Variants in TYW1B observed in about 807,000 individuals in gnomAD.
TYW1B encodes the protein S-adenosyl-L-methionine-dependent tRNA 4-demethylwyosine synthase TYW1B.
TYW1B carries 73 observed loss-of-function variants against 86.9 expected under a neutral mutation model. The ratio of observed to expected loss-of-function variants is 0.84; its 90% CI spans 0.70 to 1.02. The LOEUF is 1.02. Ranked by LOEUF, TYW1B falls within the 50% of genes least tolerant of loss-of-function variation. TYW1B has a pLI of 0.00. For missense variants in TYW1B, 637 were observed against 827.4 expected (o/e 0.77, Z 2.82); for synonymous variants, 248 against 292.8 (o/e 0.85, Z 1.56).
chr7:72,775,720 G>A (rs1341795824), intron 7 of TYW1B, among the ~76,000 whole-genome samples: 2 of 150,292 alleles, frequency 1.3e-5, no homozygotes, highest in Non-Finnish European at 3.0e-5. Flanking sequence ...CCACAGGTAA[G>A]TTTAAATTAG....
chr7:72,613,765 T>C (rs1811996503), intron 13 of TYW1B, among the ~76,000 whole-genome samples: 1 of 151,958 alleles, frequency 6.6e-6, no homozygotes, highest in Admixed American at 6.6e-5. Context: ...GATCCTGAAC[T>C]GGAGGGGGAA....
chr7:72,794,069 G>T (rs1788265838), intron 6 of TYW1B, among the ~76,000 whole-genome samples: 1 of 152,184 alleles, frequency 6.6e-6, no homozygotes, highest in Non-Finnish European at 1.5e-5. Flanking sequence ...ATTAGCAAGT[G>T]AGCACTGCTG....
At chr7:72,806,061 T>C (rs998312770) in intron 5 of TYW1B, among the ~76,000 whole-genome samples, 14 of 151,938 alleles carry the variant, frequency 9.2e-5, no homozygotes, top group African/African-American at 3.4e-4. Flanking sequence ...GAGTGACTAA[T>C]GGAGTCATTG....
At chr7:72,809,981 A>G (rs569029517) in intron 4 of TYW1B, among the ~76,000 whole-genome samples, 3 of 93,018 alleles carry the variant, frequency 3.2e-5, no homozygotes, top group South Asian at 7.5e-4. Context: ...GCTGGGGGAT[A>G]GAGCAAGACT....
intron 10 of TYW1B, among the ~76,000 whole-genome samples, chr7:72,702,877 T>C (rs1814506866): frequency 1.3e-5 from 2 of 151,900 alleles, no homozygotes; most frequent in Non-Finnish European, 2.9e-5. Flanking sequence ...GTATTCTCAT[T>C]GTTTTCACAG....
intron 10 of TYW1B, among the ~76,000 whole-genome samples, chr7:72,703,026 A>ATTTT (rs1166122885): frequency 8.2e-4 from 29 of 35,180 alleles, no homozygotes; most frequent in South Asian, 3.4e-3. Context: ...ATATATATAT[A>ATTTT]TTTTTTTTTT....
intron 13 of TYW1B, among the ~76,000 whole-genome samples, chr7:72,576,792 G>A (rs1267321060): frequency 2.0e-5 from 3 of 151,666 alleles, no homozygotes; most frequent in African/African-American, 4.8e-5. Context: ...GATTACAGGC[G>A]TGAGCCACCA....
intron 10 of TYW1B, among the ~76,000 whole-genome samples, chr7:72,711,856 T>TC (rs1402806403): frequency 1.3e-3 from 9 of 6,874 alleles, no homozygotes; most frequent in Non-Finnish European, 5.0e-3. Context: ...CAAAAAGATC[T>TC]TTTTTTTTTC....
intron 13 of TYW1B, among the ~76,000 whole-genome samples, chr7:72,600,696 C>G (rs1308327549): frequency 1.3e-5 from 2 of 152,048 alleles, no homozygotes; most frequent in African/African-American, 2.4e-5. Flanking sequence ...AAAATGAAAC[C>G]CTGTCTCAAC....
chr7:72,578,345 G>A, intron 13 of TYW1B, among the ~76,000 whole-genome samples: 1 of 152,094 alleles, frequency 6.6e-6, no homozygotes, highest in East Asian at 1.9e-4. Context: ...TCGATCTCCT[G>A]ACCTCGTGAT....
intron 11 of TYW1B, among the ~76,000 whole-genome samples, chr7:72,638,345 G>A (rs1302564853): frequency 6.6e-6 from 1 of 152,216 alleles, no homozygotes; most frequent in Non-Finnish European, 1.5e-5. Context: ...CAACCCACCT[G>A]TAGGTAAGGC....
chr7:72,689,295 G>A (rs1169094703), intron 11 of TYW1B, among the ~76,000 whole-genome samples: 1 of 152,140 alleles, frequency 6.6e-6, no homozygotes, highest in Non-Finnish European at 1.5e-5. Flanking sequence ...AGAAACTCTA[G>A]GATAAAGGCC....
At chr7:72,811,545 AAAG>A (rs1432781575) in intron 3 of TYW1B, among the ~76,000 whole-genome samples, 1 of 151,982 alleles carries the variant, frequency 6.6e-6, no homozygotes, top group Non-Finnish European at 1.5e-5. Flanking sequence ...TGAAATCTCC[AAAG>A]AATAGGGGAA....
intron 10 of TYW1B, among the ~76,000 whole-genome samples, chr7:72,700,463 A>G (rs1336754676): frequency 1.3e-5 from 2 of 152,004 alleles, no homozygotes; most frequent in African/African-American, 2.4e-5. Context: ...GTAAGCCACC[A>G]CGCCTGGACC....
intron 13 of TYW1B, among the ~76,000 whole-genome samples, chr7:72,613,399 TTC>T (rs1554436299): frequency 1.4e-4 from 20 of 139,024 alleles, no homozygotes; most frequent in African/African-American, 5.1e-4. Flanking sequence ...ACTTTATATC[TTC>T]TTTTTTTTTT....
intron 13 of TYW1B, among the ~76,000 whole-genome samples, chr7:72,596,100 C>T (rs61567625): frequency 0.03 from 4,500 of 147,900 alleles, 201 homozygotes; most frequent in African/African-American, 0.1. Flanking sequence ...CACTTGAACC[C>T]GGGAGGCAGA....
Position 72,826,903 on chromosome 7 carries a change from AG to A in TYW1B, c.86del (p.Ala29ValfsTer39). ...CACAAATCCAAAGGCTAATGCTAAC[AG>A]CAAAGCCCAGATAAATGTAAAACCT... ...INRFYIYLGF[A>X]VSISLWICVQ... On this transcript the variant is annotated frameshift_variant, in exon 2 of 14. Transcript: ENST00000620995. LOFTEE classifies it high-confidence loss of function. 6.2e-7 allele frequency: 1 copy of A among 1,614,014 alleles called. No individual in the cohort carries two copies. The highest frequency in any genetic ancestry group is 8.5e-7 in the Non-Finnish European group (1 of 1,179,984).
chr7:72,734,372 A>G (rs1274463376), intron 8 of TYW1B, among the ~76,000 whole-genome samples: 4 of 152,290 alleles, frequency 2.6e-5, no homozygotes, highest in Middle Eastern at 3.4e-3. Flanking sequence ...CCAGAAATAA[A>G]TCCAAATATT....
Position 72,748,204 on chromosome 7 carries a change from G to A in TYW1B, c.965-3603C>T, listed in dbSNP as rs373493020. 3.5e-3 allele frequency among the ~76,000 whole-genome samples: 525 copies of A among 151,458 alleles called. 3 individuals carry two copies. Among genetic ancestry groups the A allele is most frequent in the African/African-American group, 0.011 (474 of 41,456 alleles). On this transcript the variant is annotated intron_variant, in intron 7 of 13. Transcript: ENST00000620995. ...GAATGGCGGGAACCTGGAAGGCAGA[G>A]CTTGCAGTGAGCCGAGATGGCGCCA...
Sources: gnomAD v4.1 joint callset for allele counts (sites outside exome capture counted in the v4.1 genomes callset) on GRCh38, gnomAD v4.1.1 for gene constraint, MANE v1.5 for transcripts, NCBI Gene and HGNC (gene_info 2026-07-23, HGNC 2026-07-21) for gene names.